CTNNA2: variants seen among roughly 807,000 people sequenced by gnomAD.
CTNNA2 encodes catenin alpha-2.
A neutral mutation model predicts 101.0 loss-of-function variants in CTNNA2; 42 were observed. The observed-to-expected ratio is 0.42, with a 90% CI of 0.32 to 0.54. CTNNA2 has a LOEUF of 0.54. CTNNA2 is among the 20% of genes least tolerant of loss of function. The pLI is 0.14. For missense variants in CTNNA2, 871 were observed against 1,223.1 expected (o/e 0.71, Z 4.29); for synonymous variants, 450 against 456.4 (o/e 0.99, Z 0.18).
intron 9 of CTNNA2, among the ~76,000 whole-genome samples, chr2:80,533,885 A>G (rs1406235613): frequency 1.3e-5 from 2 of 152,304 alleles, no homozygotes; most frequent in South Asian, 2.1e-4. Flanking sequence ...AGCCTCTCCT[A>G]TCCTTTTCAC....
At chr2:80,569,437 C>T (rs1694355851) in intron 12 of CTNNA2, among the ~76,000 whole-genome samples, 1 of 151,934 alleles carries the variant, frequency 6.6e-6, no homozygotes, top group South Asian at 2.1e-4. Flanking sequence ...GTGGTGCCTA[C>T]AGTTTTTGGA....
intron 9 of CTNNA2, among the ~76,000 whole-genome samples, chr2:80,466,967 T>A (rs1684910173): frequency 6.6e-6 from 1 of 152,192 alleles, no homozygotes; most frequent in African/African-American, 2.4e-5. Flanking sequence ...TGTCATTGTA[T>A]CTCCAAGCCA....
At chr2:79,733,057 A>G (rs1407098837) in intron 2 of CTNNA2, among the ~76,000 whole-genome samples, 2 of 152,170 alleles carry the variant, frequency 1.3e-5, no homozygotes, top group Non-Finnish European at 2.9e-5. Context: ...TTGTGTCCAC[A>G]GGAAAAAGAA....
At chr2:80,266,792 CTG>C (rs1431127344) in intron 7 of CTNNA2, among the ~76,000 whole-genome samples, 1 of 152,304 alleles carries the variant, frequency 6.6e-6, no homozygotes, top group East Asian at 1.9e-4. Context: ...AATGAGAGAT[CTG>C]TGTGTGCCCA....
chr2:80,353,744 G>T (rs1673526642), intron 7 of CTNNA2, among the ~76,000 whole-genome samples: 1 of 152,130 alleles, frequency 6.6e-6, no homozygotes, highest in South Asian at 2.1e-4. Flanking sequence ...GATCGAATGA[G>T]ATAACCCAGG....
chr2:79,310,628 T>A (rs921860681), intron 2 of CTNNA2, among the ~76,000 whole-genome samples: 6 of 152,188 alleles, frequency 3.9e-5, no homozygotes, highest in Non-Finnish European at 8.8e-5. Flanking sequence ...CTGCAACCAA[T>A]TTTTAGAAAA....
intron 18 of CTNNA2, among the ~76,000 whole-genome samples, chr2:80,627,695 G>GCA (rs1306625919): frequency 6.6e-6 from 1 of 152,104 alleles, no homozygotes; most frequent in Admixed American, 6.6e-5. Flanking sequence ...TTGCTGTGCA[G>GCA]AAGTTCATTA....
In CTNNA2 at chr2:79,909,739, C is replaced by G; in HGVS notation, c.998C>G (p.Ala333Gly). The G allele has an allele frequency of 6.2e-7, 1 of 1,613,738 alleles. No homozygotes were observed. Among genetic ancestry groups the G allele is most frequent in the Non-Finnish European group, 8.5e-7 (1 of 1,179,814 alleles). ...TRDDRRERIV[A>G]ECNAVRQALQ... is the part of the protein sequence containing the mutation. Reference sequence around the variant, plus strand: ...GACGACCGGCGCGAGAGGATCGTGGCGGAGTGCAACGCCGTGCGGCAGGCG... The same window carrying G: ...GACGACCGGCGCGAGAGGATCGTGGGGGAGTGCAACGCCGTGCGGCAGGCG... Residue 333 changes from alanine (A) to glycine (G), a missense_variant, in exon 7 of 19, where the codon GCG (alanine) becomes GGG (glycine). By Grantham distance (60) the Ala-to-Gly change is moderately conservative. This residue lies in a region of CTNNA2 where 647 missense variants were observed against 831.5 expected (regional missense o/e 0.78). Coordinates refer to ENST00000402739, the MANE Select transcript of CTNNA2 (RefSeq NM_001282597.3).
intron 1 of CTNNA2, among the ~76,000 whole-genome samples, chr2:79,555,578 A>C (rs1334395461): frequency 6.6e-6 from 1 of 152,162 alleles, no homozygotes; most frequent in African/African-American, 2.4e-5. Context: ...CTCAAATGCT[A>C]TTAAAACATT....
chr2:80,037,463 G>A (rs916951589), intron 7 of CTNNA2, among the ~76,000 whole-genome samples: 3 of 152,180 alleles, frequency 2.0e-5, no homozygotes, highest in Admixed American at 6.5e-5. Flanking sequence ...TCGAAGGCAA[G>A]TGATCCTTCT....
intron 3 of CTNNA2, among the ~76,000 whole-genome samples, chr2:79,828,356 T>G (rs1384849682): frequency 1.3e-5 from 2 of 152,240 alleles, no homozygotes; most frequent in Non-Finnish European, 2.9e-5. Flanking sequence ...TTTTGTCCAT[T>G]TATAAGCTAG....
intron 4 of CTNNA2, among the ~76,000 whole-genome samples, chr2:79,864,080 A>G (rs1355825943): frequency 6.6e-6 from 1 of 152,226 alleles, no homozygotes; most frequent in East Asian, 1.9e-4. Flanking sequence ...GCTTAACATC[A>G]GGCCAACTGG....
intron 18 of CTNNA2, among the ~76,000 whole-genome samples, chr2:80,640,048 G>A (rs756729509): frequency 1.3e-5 from 2 of 152,062 alleles, no homozygotes; most frequent in Admixed American, 6.5e-5. Context: ...GTTGCAGTGA[G>A]CCGAGATTGT....
chr2:80,148,356 A>G (rs952524055), intron 7 of CTNNA2, among the ~76,000 whole-genome samples: 1 of 152,262 alleles, frequency 6.6e-6, no homozygotes, highest in Non-Finnish European at 1.5e-5. Context: ...CTGGATATTT[A>G]CAAGTCAACA....
chr2:79,241,181 C>A (rs1334602683), intron 2 of CTNNA2, among the ~76,000 whole-genome samples: 1 of 152,096 alleles, frequency 6.6e-6, no homozygotes, highest in Non-Finnish European at 1.5e-5. Context: ...TTATTGGGTA[C>A]TAACTAAATA....
chr2:80,528,288 T>C (rs891039382), intron 9 of CTNNA2, among the ~76,000 whole-genome samples: 4 of 152,052 alleles, frequency 2.6e-5, no homozygotes, highest in African/African-American at 7.2e-5. Flanking sequence ...CTCTGCCTCC[T>C]GGGGTTCAAG....
At chr2:79,387,731 G>C (rs1678120715) in intron 4 of CTNNA2, among the ~76,000 whole-genome samples, 1 of 142,328 alleles carries the variant, frequency 7.0e-6, no homozygotes, top group African/African-American at 3.1e-5. Context: ...TGGCGGCAGA[G>C]CTCCAGACCT....
chr2:79,765,654 G>A (rs1317706344), intron 3 of CTNNA2, among the ~76,000 whole-genome samples: 2 of 152,104 alleles, frequency 1.3e-5, no homozygotes, highest in Non-Finnish European at 2.9e-5. Context: ...TTGAAGTTTG[G>A]CTTTAGCTGA....
chr2:79,525,511 A>G (rs1323886329), intron 1 of CTNNA2, among the ~76,000 whole-genome samples: 1 of 151,968 alleles, frequency 6.6e-6, no homozygotes, highest in Non-Finnish European at 1.5e-5. Flanking sequence ...AGGTTGGTGC[A>G]AAAGTAATTG....
Sources: allele counts gnomAD v4.1 joint callset (sites outside exome capture counted in the v4.1 genomes callset), GRCh38; gene constraint gnomAD v4.1.1; regional missense constraint gnomAD v4.1.1; transcripts MANE v1.5; gene names NCBI Gene and HGNC (gene_info 2026-07-23, HGNC 2026-07-21).